The following EHBP1 variants were observed in gnomAD, a reference collection of about 807,000 sequenced individuals.
EHBP1 encodes EH domain-binding protein 1.
EHBP1 carries 55 observed loss-of-function variants against 144.0 expected under a neutral mutation model. The observed-to-expected ratio is 0.38, with a 90% CI of 0.31 to 0.48. The LOEUF (loss-of-function observed/expected upper bound fraction) is 0.48. Among genes scored for constraint, EHBP1 ranks in the 20% least tolerant of loss-of-function variants. The pLI is 0.98. For missense variants in EHBP1, 1,200 were observed against 1,364.2 expected (o/e 0.88, Z 1.90); for synonymous variants, 469 against 472.7 (o/e 0.99, Z 0.10).
At chr2:63,026,210 G>A (rs1027625401) in intron 19 of EHBP1, among the ~76,000 whole-genome samples, 9 of 152,056 alleles carry the variant, frequency 5.9e-5, no homozygotes, top group Non-Finnish European at 7.4e-5. Flanking sequence ...TCTGCTGGGA[G>A]GAATCACCAT....
chr2:63,015,369 A>T (rs2060443526), intron 19 of EHBP1, among the ~76,000 whole-genome samples: 1 of 152,216 alleles, frequency 6.6e-6, no homozygotes, highest in African/African-American at 2.4e-5. Context: ...CAGTTTTTAA[A>T]AATATGCTAA....
intron 8 of EHBP1, among the ~76,000 whole-genome samples, chr2:62,864,268 C>T (rs911225785): frequency 1.2e-4 from 18 of 152,174 alleles, no homozygotes; most frequent in Admixed American, 6.5e-5. Flanking sequence ...CTGCAACGTC[C>T]CTGGGAACTG....
At position 62,948,378 on chromosome 2, in the gene EHBP1, A is replaced by C; in HGVS notation, c.1532A>C (p.His511Pro). 1 of 1,614,048 alleles carries C rather than the reference A, an allele frequency of 6.2e-7. No homozygotes were observed. Among genetic ancestry groups the C allele is most frequent in the Non-Finnish European group, 8.5e-7 (1 of 1,179,958 alleles). ...ACTTATCTCTATCAAATAAGGGCAC[A>C]TTTCAGTGGCCAAGAACTAAATGTC... ...VMTYLYQIRA[H>P]FSGQELNVVQ... Residue 511 changes from histidine to proline, a missense_variant, in exon 13 of 23, where the codon CAT (histidine) becomes CCT (proline). Transcript: ENST00000431489.
chr2:62,772,405 A>G (rs755336181), intron 5 of EHBP1, among the ~76,000 whole-genome samples: 2 of 152,226 alleles, frequency 1.3e-5, no homozygotes, highest in Non-Finnish European at 2.9e-5. Flanking sequence ...AAGACAGCCC[A>G]TCCAAATATA....
chr2:62,849,996 A>C (rs944261382), intron 7 of EHBP1, among the ~76,000 whole-genome samples: 1 of 152,178 alleles, frequency 6.6e-6, no homozygotes, highest in Non-Finnish European at 1.5e-5. Context: ...TAGGGGAAAA[A>C]TGGGACCTAT....
In EHBP1 at chr2:62,842,067, C is replaced by G. The variant is rs1008597059; in HGVS notation, c.634+10909C>G. 3.9e-5 allele frequency among the ~76,000 whole-genome samples: 6 copies of G among 152,022 alleles called. 1 individual carries two copies. The South Asian group carries it at 1.2e-3, about 32-fold the overall frequency. On this transcript the variant is annotated intron_variant, in intron 7 of 22. Transcript: ENST00000431489. ...ACAGCAAAGAAAAGGGACAAGGGAC[C>G]AAGGGACAAACTTGCTCCCTCAAAG...
chr2:62,867,215 G>A (rs567255237), intron 9 of EHBP1, among the ~76,000 whole-genome samples: 5 of 152,176 alleles, frequency 3.3e-5, no homozygotes, highest in South Asian at 4.1e-4. Flanking sequence ...GAAGTAAAAC[G>A]TTATGATGGT....
chr2:62,824,948 T>A (rs949460599), intron 5 of EHBP1, among the ~76,000 whole-genome samples: 1 of 152,014 alleles, frequency 6.6e-6, no homozygotes, highest in African/African-American at 2.4e-5. Context: ...GAAAATTGAA[T>A]AATTTTATGG....
At chr2:63,033,600 TAA>T (rs1374792909) in intron 19 of EHBP1, among the ~76,000 whole-genome samples, 1 of 152,282 alleles carries the variant, frequency 6.6e-6, no homozygotes, top group African/African-American at 2.4e-5. Context: ...GGTGAAAGAT[TAA>T]TTAGGAAAAG....
intron 1 of EHBP1, among the ~76,000 whole-genome samples, chr2:62,691,091 G>A (rs1266398526): frequency 2.6e-5 from 4 of 152,150 alleles, no homozygotes; most frequent in Non-Finnish European, 5.9e-5. Flanking sequence ...TTGCCTCCAA[G>A]CCAATTAAAA....
chr2:62,979,455 G>A (rs2058862742), intron 15 of EHBP1, 120 bp downstream of exon 15: 1 of 1,053,830 alleles, frequency 9.5e-7, no homozygotes, highest in East Asian at 2.6e-5. Flanking sequence ...CTAACCTATT[G>A]ATATGTTGCA....
chr2:63,017,083 C>A (rs1240774318), intron 19 of EHBP1, among the ~76,000 whole-genome samples: 1 of 152,154 alleles, frequency 6.6e-6, no homozygotes, highest in East Asian at 1.9e-4. Flanking sequence ...ACAGCTGGGA[C>A]CCTCAGTTTG....
intron 15 of EHBP1, chr2:62,987,928 C>A (rs778263734): frequency 2.0e-6 from 3 of 1,481,972 alleles, no homozygotes; most frequent in Non-Finnish European, 2.8e-6. Context: ...CATGTTCCTA[C>A]AGATGAAAAT....
intron 5 of EHBP1, among the ~76,000 whole-genome samples, chr2:62,819,977 G>A (rs1262564787): frequency 2.6e-5 from 4 of 151,488 alleles, no homozygotes; most frequent in African/African-American, 9.7e-5. Flanking sequence ...TTGGGAGGCC[G>A]AAGCGGGCAG....
At chr2:62,870,738 C>T (rs867024259) in intron 9 of EHBP1, among the ~76,000 whole-genome samples, 43 of 139,064 alleles carry the variant, frequency 3.1e-4, no homozygotes, top group South Asian at 1.1e-3. Flanking sequence ...AAAAAAAATA[C>T]ATATATATAT....
At chr2:62,711,997 T>C (rs1200792200) in intron 2 of EHBP1, among the ~76,000 whole-genome samples, 1 of 152,176 alleles carries the variant, frequency 6.6e-6, no homozygotes, top group Admixed American at 6.5e-5. Context: ...TAGGTAATAC[T>C]TGGAGAGAGA....
intron 15 of EHBP1, among the ~76,000 whole-genome samples, chr2:62,983,602 G>A (rs1348468463): frequency 2.0e-5 from 3 of 152,098 alleles, no homozygotes; most frequent in Admixed American, 6.5e-5. Context: ...GTGCAATGGC[G>A]CTATCTCAGC....
rs1315616689 is a variant in EHBP1 at position 62,982,431 on chromosome 2, C to A, written c.2608+3096C>A. Among the ~76,000 whole-genome samples the A allele has an allele frequency of 2.0e-5, 3 of 152,174 alleles. No individual in the cohort carries two copies. In the East Asian group the frequency reaches 5.8e-4, roughly 29 times the overall value. ...TTGCCCCTGGCCTGTAGTTTGCTCA[C>A]CCTTGCATAGCAAATTCAAAATTCA... On this transcript the variant is annotated intron_variant, in intron 15 of 22. Transcript: ENST00000431489.
intron 10 of EHBP1, among the ~76,000 whole-genome samples, chr2:62,879,546 AACACACACACACACACACAC>A (rs70962798): frequency 9.0e-5 from 12 of 133,792 alleles, no homozygotes; most frequent in South Asian, 2.6e-4. Context: ...TATTCACAAT[AACACACACACACACACACAC>A]ACACACACAC....
Sources: gnomAD v4.1 joint callset for allele counts (sites outside exome capture counted in the v4.1 genomes callset) on GRCh38, gnomAD v4.1.1 for gene constraint, MANE v1.5 for transcripts, NCBI Gene and HGNC (gene_info 2026-07-23, HGNC 2026-07-21) for gene names.